LRRC18: variants seen among roughly 807,000 people sequenced by gnomAD.
The protein encoded by LRRC18 is leucine rich repeat containing 18, also known as leucine-rich repeat-containing protein 18.
A neutral mutation model predicts 11.2 loss-of-function variants in LRRC18; 12 were observed. The observed-to-expected ratio is 1.07, with a 90% confidence interval of 0.69 to 1.74. LRRC18 has a LOEUF of 1.74. Among genes scored for constraint, LRRC18 ranks in the 40% most tolerant of loss-of-function variants. The probability of loss-of-function intolerance (pLI) is 0.00; values close to 1 mark genes in which losing one functional copy is unlikely to be tolerated. For missense variants in LRRC18, 374 were observed against 330.5 expected (o/e 1.13, Z -1.02); for synonymous variants, 155 against 130.6 (o/e 1.19, Z -1.27).
chr10:48,927,560 G>T, the LRRC18 span, among the ~76,000 whole-genome samples: 1 of 152,144 alleles, frequency 6.6e-6, no homozygotes, highest in Non-Finnish European at 1.5e-5. Flanking sequence ...TGGTTAATTT[G>T]ATCAACCAAG....
At chr10:48,915,408 T>C (rs1838424088), upstream of LRRC18, among the ~76,000 whole-genome samples, 2 of 121,028 alleles carry the variant, frequency 1.7e-5, no homozygotes, top group South Asian at 6.3e-4. Flanking sequence ...CTGTGCCTCC[T>C]GCTTGCTGAT....
upstream of LRRC18, among the ~76,000 whole-genome samples, chr10:48,918,791 T>C (rs1395540020): frequency 6.6e-6 from 1 of 152,206 alleles, no homozygotes; most frequent in African/African-American, 2.4e-5. Context: ...ACCTGCCTTG[T>C]ACATTGTAGA....
rs376105556 is a variant in LRRC18 at position 48,913,601 on chromosome 10, C to T, written c.555G>A (p.Ser185=). The T allele has an allele frequency of 3.8e-5, 61 of 1,613,946 alleles. 1 individual carries two copies. The South Asian group carries it at 5.8e-4, about 15-fold the overall frequency. ...TCCTGATGGAGTCTATGAATATTTC[C>T]GACTCACCTGGCTTTGGAAAGGGGT... The change falls in exon 1 of 2, where the codon TCG becomes TCA. Residue 185 remains serine, a synonymous_variant. Coordinates refer to ENST00000374160, the Ensembl canonical transcript of LRRC18.
chr10:48,930,988 T>C, the LRRC18 span, among the ~76,000 whole-genome samples: 21 of 152,082 alleles, frequency 1.4e-4, no homozygotes, highest in African/African-American at 4.8e-4. Context: ...CTTTTTACTT[T>C]CCTTCTTATA....
chr10:48,914,886 G>A (rs1336343733), upstream of LRRC18, among the ~76,000 whole-genome samples: 1 of 152,164 alleles, frequency 6.6e-6, no homozygotes, highest in Admixed American at 6.5e-5. Flanking sequence ...GGGGGTGCGG[G>A]CAAAGCTCAT....
the LRRC18 span, among the ~76,000 whole-genome samples, chr10:48,929,805 C>G: frequency 2.1e-4 from 32 of 152,272 alleles, no homozygotes; most frequent in Non-Finnish European, 2.9e-5. Flanking sequence ...GCTGGGCTGA[C>G]AGCCTTGGCC....
At chr10:48,933,128 G>A in the LRRC18 span, among the ~76,000 whole-genome samples, 1 of 152,168 alleles carries the variant, frequency 6.6e-6, no homozygotes, top group South Asian at 2.1e-4. Context: ...GGACCATGTG[G>A]ATCCAGGCTC....
chr10:48,934,405 G>A, the LRRC18 span, among the ~76,000 whole-genome samples: 1 of 152,174 alleles, frequency 6.6e-6, no homozygotes, highest in African/African-American at 2.4e-5. Context: ...ATCTCCACCG[G>A]GGGGATACAG....
chr10:48,910,685 A>G (rs1032609483), intron 1 of LRRC18, among the ~76,000 whole-genome samples: 8 of 152,146 alleles, frequency 5.3e-5, no homozygotes, highest in African/African-American at 1.4e-4. Flanking sequence ...CAATCCTGGT[A>G]AAGTTAAATG....
chr10:48,914,156 G>A (rs780216091), exon 1 of LRRC18: 9 of 1,610,656 alleles, frequency 5.6e-6, no homozygotes, highest in African/African-American at 5.4e-5. Flanking sequence ...CCTTAACCAT[G>A]TTCTTTTAGT....
intron 1 of LRRC18, 38 bp from the exon 4 acceptor site, chr10:48,910,296 C>T (rs373806349): frequency 8.7e-6 from 14 of 1,605,230 alleles, no homozygotes; most frequent in Admixed American, 1.7e-5. Context: ...GCAATTGCTC[C>T]AGGCCACAGA....
chr10:48,931,464 G>A, the LRRC18 span, among the ~76,000 whole-genome samples: 6 of 152,200 alleles, frequency 3.9e-5, no homozygotes, highest in African/African-American at 4.8e-5. Context: ...ACAGAGGGCC[G>A]TGCTATAAAC....
chr10:48,934,140 T>C, the LRRC18 span, among the ~76,000 whole-genome samples: 1 of 152,238 alleles, frequency 6.6e-6, no homozygotes, highest in Admixed American at 6.5e-5. Context: ...CATAAGTTTC[T>C]TAACCTTTCT....
At position 48,913,975 on chromosome 10, in the gene LRRC18, G is replaced by T; in HGVS notation, c.181C>A (p.Leu61Ile). The change falls in exon 1 of 2, where the codon CTT becomes ATT. Residue 61 changes from leucine (L) to isoleucine (I), a missense_variant. Leu to Ile is a conservative substitution (Grantham distance 5). Transcript: ENST00000374160. ...ATGGAGTCAGGGATCTTCCTGATAAGATTCCGGCTAAGGTCCAGCTCGTCC... is the reference window on the plus strand; with the variant it reads ...ATGGAGTCAGGGATCTTCCTGATAATATTCCGGCTAAGGTCCAGCTCGTCC... The T allele has an allele frequency of 2.5e-6, 4 of 1,614,206 alleles. No homozygotes were observed. Among genetic ancestry groups the T allele is most frequent in the Non-Finnish European group, 3.4e-6 (4 of 1,180,036 alleles).
At chr10:48,923,667 A>G in the LRRC18 span, among the ~76,000 whole-genome samples, 285 of 151,956 alleles carry the variant, frequency 1.9e-3, 1 homozygote, top group African/African-American at 6.7e-3. Flanking sequence ...TTGAGTGCCT[A>G]CCATTTATCA....
At chr10:48,923,726 T>A in the LRRC18 span, among the ~76,000 whole-genome samples, 3 of 151,992 alleles carry the variant, frequency 2.0e-5, no homozygotes, top group Non-Finnish European at 4.4e-5. Context: ...GTCCTCAAGT[T>A]GAAATAGTTC....
the LRRC18 span, among the ~76,000 whole-genome samples, chr10:48,939,192 G>T: frequency 6.6e-6 from 1 of 151,350 alleles, no homozygotes; most frequent in East Asian, 1.9e-4. Context: ...ACCAGAAGCA[G>T]GCCCCACTCT....
At chr10:48,936,299 T>C in the LRRC18 span, among the ~76,000 whole-genome samples, 12 of 152,102 alleles carry the variant, frequency 7.9e-5, no homozygotes, top group African/African-American at 2.9e-4. Context: ...AAATACATAA[T>C]TTAATGTAGA....
At chr10:48,910,190 GT>G in exon 2 of LRRC18, 1 of 1,499,354 alleles carries the variant, frequency 6.7e-7, no homozygotes, top group Non-Finnish European at 9.3e-7. Context: ...CTTCAGAGTC[GT>G]TTATTCTGTT....
Sources: gnomAD v4.1 joint callset for allele counts (sites outside exome capture counted in the v4.1 genomes callset) on GRCh38, gnomAD v4.1.1 for gene constraint, MANE v1.5 for transcripts, NCBI Gene and HGNC (gene_info 2026-07-23, HGNC 2026-07-21) for gene names.